Variants in TMLHE observed in about 807,000 individuals in gnomAD.
TMLHE encodes the protein trimethyllysine dioxygenase, mitochondrial.
A neutral mutation model predicts 25.7 loss-of-function variants in TMLHE; 18 were observed. The observed-to-expected ratio is 0.70, with a 90% confidence interval of 0.48 to 1.04. The LOEUF is 1.04. Among genes scored for constraint, TMLHE ranks in the 50% least tolerant of loss-of-function variants. The pLI is 0.00. For synonymous variants in TMLHE, 105 were observed against 97.0 expected (o/e 1.08, Z -0.49); for missense variants, 236 against 259.0 (o/e 0.91, Z 0.61).
intron 1 of TMLHE, among the ~76,000 whole-genome samples, chrX:155,557,976 C>T (rs1387825399): frequency 8.9e-6 from 1 of 111,863 alleles, no homozygotes; most frequent in African/African-American, 3.2e-5. Flanking sequence ...TCTAATTGAC[C>T]TATCCACTCT....
intron 2 of TMLHE, among the ~76,000 whole-genome samples, chrX:155,544,011 T>C (rs1342839823): frequency 1.8e-5 from 2 of 111,955 alleles, no homozygotes; most frequent in Non-Finnish European, 3.8e-5. Flanking sequence ...GGCTGTCTCT[T>C]GCAGCTCTTC....
intron 1 of TMLHE, among the ~76,000 whole-genome samples, chrX:155,578,152 C>A (rs1398223987): frequency 2.7e-5 from 3 of 111,702 alleles, no homozygotes; most frequent in Non-Finnish European, 5.7e-5. Context: ...AAGGTATGAG[C>A]AGGCTGTGTG....
intron 1 of TMLHE, among the ~76,000 whole-genome samples, chrX:155,553,468 T>G (rs782310633): frequency 9.1e-6 from 1 of 110,086 alleles, no homozygotes; most frequent in Non-Finnish European, 1.9e-5. Flanking sequence ...CTTTGTCTGG[T>G]ATTAATATAG....
At chrX:155,588,008 T>G (rs1557345483) in intron 1 of TMLHE, among the ~76,000 whole-genome samples, 1 of 111,877 alleles carries the variant, frequency 8.9e-6, no homozygotes, top group East Asian at 2.8e-4. Context: ...TCTTAAAATT[T>G]GTATGGAACT....
chrX:155,543,095 C>A (rs1557338371), intron 2 of TMLHE, among the ~76,000 whole-genome samples: 1 of 111,280 alleles, frequency 9.0e-6, no homozygotes, highest in Non-Finnish European at 1.9e-5. Flanking sequence ...ATTGCTTTAG[C>A]CATTCAGGGT....
chrX:155,573,664 T>G (rs1250193859), intron 1 of TMLHE, among the ~76,000 whole-genome samples: 1 of 55,616 alleles, frequency 1.8e-5, no homozygotes, highest in Non-Finnish European at 4.6e-5. Context: ...TAAAAAATGA[T>G]GAGTTCACGT....
intron 2 of TMLHE, among the ~76,000 whole-genome samples, chrX:155,542,754 T>C (rs1603043032): frequency 8.9e-6 from 1 of 111,743 alleles, no homozygotes; most frequent in African/African-American, 3.2e-5. Context: ...TGTCATTCCA[T>C]TGTGTTCTTG....
chrX:155,580,907 C>T (rs1051700111), intron 1 of TMLHE, among the ~76,000 whole-genome samples: 4 of 111,760 alleles, frequency 3.6e-5, no homozygotes, highest in African/African-American at 9.8e-5. Context: ...TAATGAACAT[C>T]GATGCAAAAA....
chrX:155,591,987 G>A (rs1350217438), intron 1 of TMLHE, among the ~76,000 whole-genome samples: 1 of 111,865 alleles, frequency 8.9e-6, no homozygotes, highest in Non-Finnish European at 1.9e-5. Context: ...AATGTGGTAT[G>A]TATACACAAT....
intron 1 of TMLHE, among the ~76,000 whole-genome samples, chrX:155,556,840 C>T (rs782606432): frequency 9.0e-6 from 1 of 111,200 alleles, no homozygotes; most frequent in Non-Finnish European, 1.9e-5. Flanking sequence ...GAGACAGGTA[C>T]GCCCCGGGGG....
intron 1 of TMLHE, among the ~76,000 whole-genome samples, chrX:155,550,916 C>T (rs1036262689): frequency 3.6e-5 from 4 of 110,837 alleles, no homozygotes; most frequent in Non-Finnish European, 7.5e-5. Flanking sequence ...TGACAACTAA[C>T]AAATTATTTT....
intron 1 of TMLHE, among the ~76,000 whole-genome samples, chrX:155,602,470 A>G (rs973249404): frequency 9.0e-6 from 1 of 111,717 alleles, no homozygotes; most frequent in South Asian, 3.8e-4. Context: ...GAAGGATTGA[A>G]TATTTCCCCT....
chrX:155,505,952 G>A (rs1433565862), intron 6 of TMLHE, among the ~76,000 whole-genome samples: 1 of 111,394 alleles, frequency 9.0e-6, no homozygotes, highest in African/African-American at 3.3e-5. Context: ...AAAAAGCTTG[G>A]CTGCAAGATG....
intron 1 of TMLHE, among the ~76,000 whole-genome samples, chrX:155,580,864 C>A (rs1178839480): frequency 2.7e-5 from 3 of 111,278 alleles, no homozygotes; most frequent in African/African-American, 9.8e-5. Context: ...GGCAGAGACA[C>A]AACAAAAAAA....
At chrX:155,548,600 T>TAGTG (rs1306512544) in intron 1 of TMLHE, among the ~76,000 whole-genome samples, 1 of 108,576 alleles carries the variant, frequency 9.2e-6, no homozygotes, top group African/African-American at 3.4e-5. Context: ...CCGGGTGTGG[T>TAGTG]GGCACACACC....
At chrX:155,585,926 A>G (rs1557345233) in intron 1 of TMLHE, among the ~76,000 whole-genome samples, 1 of 111,707 alleles carries the variant, frequency 9.0e-6, no homozygotes, top group Non-Finnish European at 1.9e-5. Flanking sequence ...GAAACTGTAA[A>G]AATCCATCGT....
chrX:155,524,293 T>G, intron 3 of TMLHE, 163 bp downstream of exon 3: 1 of 442,561 alleles, frequency 2.3e-6, no homozygotes, highest in East Asian at 3.8e-5. Context: ...TGTAACAATT[T>G]TATTTGAAGA....
intron 5 of TMLHE, 145 bp downstream of exon 5, chrX:155,511,528 G>A: frequency 1.8e-6 from 1 of 565,552 alleles, no homozygotes; most frequent in Non-Finnish European, 2.6e-6. Flanking sequence ...ATTTCAAAAT[G>A]ATCATGTTTC....
At chrX:155,559,396 C>T (rs191567889) in intron 1 of TMLHE, among the ~76,000 whole-genome samples, 2 of 111,080 alleles carry the variant, frequency 1.8e-5, no homozygotes, top group African/African-American at 3.3e-5. Context: ...AAAGTATGAA[C>T]TCATTGTAAA....
Sources: allele counts gnomAD v4.1 joint callset (sites outside exome capture counted in the v4.1 genomes callset), GRCh38; gene constraint gnomAD v4.1.1; transcripts MANE v1.5; gene names NCBI Gene and HGNC (gene_info 2026-07-23, HGNC 2026-07-21).